SCHIP1: variants seen among roughly 807,000 people sequenced by gnomAD.
SCHIP1 encodes schwannomin-interacting protein 1.
Under a neutral mutation model 29.7 loss-of-function variants are expected in SCHIP1, and 8 were observed. The ratio of observed to expected loss-of-function variants is 0.27; its 90% CI spans 0.16 to 0.49. The LOEUF (loss-of-function observed/expected upper bound fraction) is 0.49. SCHIP1 is among the 20% of genes least tolerant of loss of function. SCHIP1 has a pLI of 0.99. For missense variants in SCHIP1, 193 were observed against 294.6 expected (o/e 0.66, Z 2.52); for synonymous variants, 76 against 94.9 (o/e 0.80, Z 1.16).
chr3:159,763,096 G>A, the SCHIP1 span, among the ~76,000 whole-genome samples: 2 of 152,190 alleles, frequency 1.3e-5, no homozygotes, highest in South Asian at 2.1e-4. Context: ...CAGCCCGGAG[G>A]GGAAGGGAAA....
the SCHIP1 span, among the ~76,000 whole-genome samples, chr3:159,713,284 G>T: frequency 4.2e-5 from 6 of 141,952 alleles, no homozygotes; most frequent in African/African-American, 1.6e-4. Context: ...AAGAAAGAAA[G>T]AAAAAAGAAA....
chr3:159,454,027 T>C, the SCHIP1 span, among the ~76,000 whole-genome samples: 1 of 152,342 alleles, frequency 6.6e-6, no homozygotes, highest in Admixed American at 6.5e-5. Flanking sequence ...TTCCAGGTCT[T>C]TATCTGCAGC....
chr3:159,737,953 C>A, the SCHIP1 span, among the ~76,000 whole-genome samples: 6 of 152,156 alleles, frequency 3.9e-5, no homozygotes, highest in Non-Finnish European at 5.9e-5. Flanking sequence ...GTTCATTGAT[C>A]AATTTTGTTA....
At chr3:159,317,727 T>C in the SCHIP1 span, among the ~76,000 whole-genome samples, 19 of 152,178 alleles carry the variant, frequency 1.2e-4, no homozygotes, top group Admixed American at 1.2e-3. Flanking sequence ...TCTTTAGCTG[T>C]AGAGTGAGTG....
the SCHIP1 span, among the ~76,000 whole-genome samples, chr3:159,455,809 G>T: frequency 2.0e-5 from 3 of 152,186 alleles, no homozygotes; most frequent in Admixed American, 1.3e-4. Flanking sequence ...CAAAGAAGAA[G>T]GTTTGGTGAG....
the SCHIP1 span, among the ~76,000 whole-genome samples, chr3:159,335,976 T>C: frequency 1.3e-5 from 2 of 152,286 alleles, no homozygotes; most frequent in African/African-American, 4.8e-5. Flanking sequence ...TAAAAGTGTT[T>C]CTATTTCTCC....
chr3:159,717,999 A>T, the SCHIP1 span, among the ~76,000 whole-genome samples: 1 of 152,334 alleles, frequency 6.6e-6, no homozygotes, highest in African/African-American at 2.4e-5. Flanking sequence ...CTGGCGAACC[A>T]AATCCAGCAG....
At chr3:159,590,460 C>T in the SCHIP1 span, among the ~76,000 whole-genome samples, 1 of 152,188 alleles carries the variant, frequency 6.6e-6, no homozygotes, top group South Asian at 2.1e-4. Flanking sequence ...CCTGTAGTCC[C>T]AGCTACTTGG....
chr3:159,670,330 G>A, the SCHIP1 span, among the ~76,000 whole-genome samples: 5 of 152,108 alleles, frequency 3.3e-5, no homozygotes, highest in African/African-American at 1.2e-4. Context: ...GTATCTAGTT[G>A]TTTTCAATTA....
chr3:159,578,066 T>TG, the SCHIP1 span, among the ~76,000 whole-genome samples: 3 of 152,096 alleles, frequency 2.0e-5, no homozygotes, highest in African/African-American at 7.2e-5. Flanking sequence ...GACCCGGTTT[T>TG]GGGGGGGTGG....
the SCHIP1 span, among the ~76,000 whole-genome samples, chr3:159,492,828 A>G: frequency 6.6e-6 from 1 of 152,210 alleles, no homozygotes; most frequent in African/African-American, 2.4e-5. Context: ...AATGAAGGAA[A>G]AAATGTTAAG....
At chr3:159,560,965 G>A in the SCHIP1 span, among the ~76,000 whole-genome samples, 1 of 152,072 alleles carries the variant, frequency 6.6e-6, no homozygotes, top group Non-Finnish European at 1.5e-5. Context: ...TATTAAATTG[G>A]AGTTTGATAC....
At chr3:159,557,859 A>T in the SCHIP1 span, among the ~76,000 whole-genome samples, 3 of 152,246 alleles carry the variant, frequency 2.0e-5, no homozygotes, top group South Asian at 6.2e-4. Context: ...TCAAAACAAG[A>T]TTAAAATCAG....
At chr3:159,280,436 A>C in the SCHIP1 span, among the ~76,000 whole-genome samples, 1 of 152,080 alleles carries the variant, frequency 6.6e-6, no homozygotes, top group African/African-American at 2.4e-5. Flanking sequence ...TTTAATCTAG[A>C]CCTGGGACCT....
At chr3:159,318,854 G>A in the SCHIP1 span, among the ~76,000 whole-genome samples, 2 of 152,142 alleles carry the variant, frequency 1.3e-5, no homozygotes, top group Admixed American at 6.5e-5. Context: ...GGCAGTTCAG[G>A]TTGCATGGTG....
chr3:159,366,163 A>C, the SCHIP1 span, among the ~76,000 whole-genome samples: 154 of 152,206 alleles, frequency 1.0e-3, 1 homozygote, highest in African/African-American at 3.6e-3. Context: ...CACAGGGCAA[A>C]AGCATGAGCA....
the SCHIP1 span, among the ~76,000 whole-genome samples, chr3:159,605,080 G>T: frequency 6.6e-6 from 1 of 152,184 alleles, no homozygotes. Flanking sequence ...CTACAGGGCT[G>T]ATCCAAAATG....
At chr3:159,718,487 C>T in the SCHIP1 span, among the ~76,000 whole-genome samples, 25 of 152,278 alleles carry the variant, frequency 1.6e-4, no homozygotes, top group South Asian at 4.1e-4. Context: ...AAAACCCCAT[C>T]GTCTCATCCC....
chr3:159,678,116 T>G, the SCHIP1 span, among the ~76,000 whole-genome samples: 1 of 152,248 alleles, frequency 6.6e-6, no homozygotes, highest in Non-Finnish European at 1.5e-5. Context: ...AAATCTTATC[T>G]GTCTGTTGTG....
Sources: allele counts gnomAD v4.1 joint callset (sites outside exome capture counted in the v4.1 genomes callset), GRCh38; gene constraint gnomAD v4.1.1; transcripts MANE v1.5; gene names NCBI Gene and HGNC (gene_info 2026-07-23, HGNC 2026-07-21).